MPPED2: variants seen among roughly 807,000 people sequenced by gnomAD.
MPPED2 encodes metallophosphoesterase MPPED2.
In MPPED2, 5 loss-of-function variants were observed where a neutral mutation model predicts 33.0. The ratio of observed to expected loss-of-function variants is 0.15; its 90% CI spans 0.08 to 0.32. MPPED2 has a LOEUF of 0.32. MPPED2 is among the 10% of genes least tolerant of loss of function. MPPED2 has a pLI of 1.00. For missense variants in MPPED2, 275 were observed against 372.1 expected (o/e 0.74, Z 2.15); for synonymous variants, 136 against 141.9 (o/e 0.96, Z 0.29).
chr11:30,517,304 T>C (rs1953589477), intron 3 of MPPED2, among the ~76,000 whole-genome samples: 1 of 152,182 alleles, frequency 6.6e-6, no homozygotes, highest in South Asian at 2.1e-4. Context: ...TTTTTATAGC[T>C]ATTGTTAGTC....
intron 2 of MPPED2, among the ~76,000 whole-genome samples, chr11:30,552,751 T>C (rs1285515704): frequency 1.3e-5 from 2 of 152,194 alleles, no homozygotes; most frequent in Non-Finnish European, 2.9e-5. Flanking sequence ...TTCCCTTTGC[T>C]ATACCCCCCA....
intron 3 of MPPED2, 28 bp downstream of exon 3, chr11:30,535,966 G>A (rs369159482): frequency 7.7e-6 from 12 of 1,556,460 alleles, no homozygotes; most frequent in Admixed American, 1.9e-5. Context: ...AGGTTAATTG[G>A]GGCCGCCAGA....
downstream of MPPED2, among the ~76,000 whole-genome samples, chr11:30,405,658 T>C (rs1947977565): frequency 6.6e-6 from 1 of 152,240 alleles, no homozygotes; most frequent in Non-Finnish European, 1.5e-5. Context: ...TCATTTTCTG[T>C]ATGGTTTCTT....
chr11:30,457,143 G>A (rs921668332), intron 4 of MPPED2, among the ~76,000 whole-genome samples: 5 of 152,086 alleles, frequency 3.3e-5, no homozygotes, highest in African/African-American at 1.2e-4. Flanking sequence ...CATTTATGGA[G>A]TACAGCAACA....
intron 3 of MPPED2, among the ~76,000 whole-genome samples, chr11:30,525,580 A>C (rs1474314731): frequency 6.6e-6 from 1 of 152,118 alleles, no homozygotes; most frequent in African/African-American, 2.4e-5. Flanking sequence ...GGAAAGGAGA[A>C]AGTAGGAAGC....
intron 4 of MPPED2, among the ~76,000 whole-genome samples, chr11:30,477,456 T>A (rs1388090310): frequency 6.6e-6 from 1 of 152,160 alleles, no homozygotes; most frequent in Non-Finnish European, 1.5e-5. Context: ...GCTTTTTCTG[T>A]ATCTATTAAA....
chr11:30,524,269 TA>T (rs769918075), intron 3 of MPPED2, among the ~76,000 whole-genome samples: 1 of 150,792 alleles, frequency 6.6e-6, no homozygotes, highest in Non-Finnish European at 1.5e-5. Flanking sequence ...AGGAAAAAAA[TA>T]AAAAATAAAA....
At chr11:30,541,504 T>C (rs965926659) in intron 2 of MPPED2, among the ~76,000 whole-genome samples, 1 of 152,210 alleles carries the variant, frequency 6.6e-6, no homozygotes, top group African/African-American at 2.4e-5. Context: ...TAGAACTGTA[T>C]CCTTACAAAG....
At chr11:30,428,901 T>G (rs1948959815) in intron 4 of MPPED2, 1 of 152,178 alleles carries the variant, frequency 6.6e-6, no homozygotes, top group African/African-American at 2.4e-5. Context: ...CCCTTTGGTT[T>G]TTGTTCCCTA....
Position 30,410,912 on chromosome 11 carries a change from C to G in MPPED2, c.*556G>C. 1 of 985,730 alleles carries G rather than the reference C, an allele frequency of 1.0e-6. No homozygotes were observed. Among genetic ancestry groups the G allele is most frequent in the Non-Finnish European group, 1.2e-6 (1 of 829,930 alleles). The allele number at this position is 985,730 out of a possible 1,614,324, so 61.1% of individuals were successfully genotyped here. ...CTTTAAATGACAGCCATTTTCTTCT[C>G]AATGCAGCTTTCTTTATAGTGAGAG... On this transcript the variant is annotated 3_prime_UTR_variant, in exon 7 of 7. Coordinates refer to ENST00000358117, the MANE Select transcript of MPPED2 (RefSeq NM_001584.3).
chr11:30,421,721 C>T (rs1419905515), intron 4 of MPPED2, among the ~76,000 whole-genome samples: 2 of 152,188 alleles, frequency 1.3e-5, no homozygotes, highest in Non-Finnish European at 2.9e-5. Context: ...TTGCACAATG[C>T]TGACCAAAAC....
intron 4 of MPPED2, chr11:30,495,055 CA>C: frequency 2.1e-6 from 1 of 475,170 alleles, no homozygotes; most frequent in Non-Finnish European, 3.8e-6. Context: ...CTGAGGGAGG[CA>C]TGACTGTATA....
chr11:30,523,122 A>G (rs1480739162), intron 3 of MPPED2, among the ~76,000 whole-genome samples: 1 of 152,094 alleles, frequency 6.6e-6, no homozygotes, highest in Admixed American at 6.6e-5. Context: ...ACGCAAAACC[A>G]ATAATGAAAA....
intron 4 of MPPED2, among the ~76,000 whole-genome samples, chr11:30,482,760 T>TGA (rs1554978442): frequency 6.6e-6 from 1 of 152,074 alleles, no homozygotes; most frequent in African/African-American, 2.4e-5. Flanking sequence ...AATGCATTCA[T>TGA]AATTATGTAT....
chr11:30,411,502 A>G lies in MPPED2; in HGVS notation c.851T>C (p.Ile284Thr). 1 of 1,613,964 alleles carries G rather than the reference A, an allele frequency of 6.2e-7. No homozygotes were observed. Among genetic ancestry groups the G allele is most frequent in the Non-Finnish European group, 8.5e-7 (1 of 1,179,862 alleles). ...TVSFQPTNPP[I>T]IFDLPNPQGS The stretch of plus-strand genomic sequence containing the variant: ...CTGTGGGTTTGGAAGGTCAAATATA[A>G]TTGGAGGGTTGGTCGGTTGAAAGCT... The change falls in exon 7 of 7, where the codon ATT becomes ACT. Residue 284 changes from isoleucine (I) to threonine (T), a missense_variant. Physicochemically the swap from Ile to Thr is moderately conservative, Grantham distance 89. Transcript: ENST00000358117.
At chr11:30,524,696 T>A (rs2134401100) in intron 3 of MPPED2, among the ~76,000 whole-genome samples, 1 of 152,162 alleles carries the variant, frequency 6.6e-6, no homozygotes, top group Non-Finnish European at 1.5e-5. Flanking sequence ...ACCATAGAGG[T>A]CAGAAAGACA....
At chr11:30,473,734 C>T (rs900714164) in intron 4 of MPPED2, among the ~76,000 whole-genome samples, 1 of 152,160 alleles carries the variant, frequency 6.6e-6, no homozygotes, top group African/African-American at 2.4e-5. Context: ...CTTTCTGCTC[C>T]TTCTGATTCA....
chr11:30,466,146 T>A (rs1469635529), intron 4 of MPPED2, among the ~76,000 whole-genome samples: 1 of 152,220 alleles, frequency 6.6e-6, no homozygotes, highest in Non-Finnish European at 1.5e-5. Context: ...TCTATAACTA[T>A]TGAATGACAA....
intron 4 of MPPED2, chr11:30,425,489 G>A (rs1948794363): frequency 6.6e-6 from 1 of 152,158 alleles, no homozygotes; most frequent in South Asian, 2.1e-4. Flanking sequence ...GTTCATAGCA[G>A]GAAGGGGAAT....
Sources: allele counts gnomAD v4.1 joint callset (sites outside exome capture counted in the v4.1 genomes callset), GRCh38; gene constraint gnomAD v4.1.1; transcripts MANE v1.5; gene names NCBI Gene and HGNC (gene_info 2026-07-23, HGNC 2026-07-21).